The following BDP1 variants were observed in gnomAD, a reference collection of about 807,000 sequenced individuals.
The protein encoded by BDP1 is transcription factor TFIIIB component B'' homolog.
In BDP1, 169 loss-of-function variants were observed where a neutral mutation model predicts 266.6. The observed-to-expected ratio is 0.63, with a 90% CI of 0.56 to 0.72. BDP1 has a LOEUF of 0.72. Ranked by LOEUF, BDP1 falls within the 30% of genes least tolerant of loss-of-function variation. BDP1 has a pLI of 0.00. For synonymous variants in BDP1, 1,090 were observed against 1,022.4 expected (o/e 1.07, Z -1.26); for missense variants, 3,015 against 3,053.8 (o/e 0.99, Z 0.30).
At chr5:71,484,942 T>C (rs747989781) in intron 8 of BDP1, among the ~76,000 whole-genome samples, 6 of 152,092 alleles carry the variant, frequency 3.9e-5, no homozygotes, top group Non-Finnish European at 8.8e-5. Flanking sequence ...ACCCAGTGTT[T>C]TATCGGGTCT....
At chr5:71,482,099 A>G (rs996689296) in intron 7 of BDP1, among the ~76,000 whole-genome samples, 2 of 152,214 alleles carry the variant, frequency 1.3e-5, no homozygotes, top group Non-Finnish European at 2.9e-5. Context: ...TTCTGCCTTC[A>G]TGGCTTTAGC....
At chr5:71,465,289 T>C (rs1195428011) in intron 4 of BDP1, among the ~76,000 whole-genome samples, 2 of 152,124 alleles carry the variant, frequency 1.3e-5, no homozygotes, top group East Asian at 3.9e-4. Flanking sequence ...ATTATTATTA[T>C]TATTTTTACA....
chr5:71,501,529 AAGT>A, intron 13 of BDP1, 30 bp from the exon 14 acceptor site: 4 of 1,228,830 alleles, frequency 3.3e-6, no homozygotes, highest in Non-Finnish European at 3.6e-6. Flanking sequence ...TGTTTATTGT[AAGT>A]AGATAAATTG....
In BDP1 at chr5:71,556,421, T is replaced by G. The variant is rs1580218220; in HGVS notation, c.7201-465T>G. On this transcript the variant is annotated intron_variant, in intron 35 of 38. Transcript: ENST00000358731. ...GATGCTAGCTTCTAGATTGCAATAG[T>G]TATATTTTATAGTGTTAAGAAAATA... Among the ~76,000 whole-genome samples, 3 of 152,200 alleles carry G rather than the reference T, an allele frequency of 2.0e-5. No individual in the cohort carries two copies. The East Asian group carries it at 5.8e-4, about 29-fold the overall frequency.
intron 36 of BDP1, among the ~76,000 whole-genome samples, chr5:71,557,425 C>T (rs183867112): frequency 0.025 from 3,295 of 129,810 alleles, 116 homozygotes; most frequent in South Asian, 0.079. Context: ...CGCTCTGTCA[C>T]CCAGGCTGGA....
In BDP1 at chr5:71,509,932, T is replaced by A; in HGVS notation, c.2840T>A (p.Val947Asp). Residue 947 changes from valine to aspartate, a missense_variant, in exon 17 of 39, where the codon GTT (valine) becomes GAT (aspartate). By Grantham distance (152) the Val-to-Asp change is radical. Coordinates refer to ENST00000358731, the MANE Select transcript of BDP1 (RefSeq NM_018429.3). ...ISPQKNGPEE[V>D]KPLGEVETDL... Reference sequence around the variant, plus strand: ...CCACAGAAAAATGGCCCAGAGGAGGTTAAGCCTCTAGGTGAAGTGGAGACA... The same window carrying A: ...CCACAGAAAAATGGCCCAGAGGAGGATAAGCCTCTAGGTGAAGTGGAGACA... 4.3e-6 allele frequency: 7 copies of A among 1,613,226 alleles called. No individual in the cohort carries two copies. The highest frequency in any genetic ancestry group is 5.9e-6 in the Non-Finnish European group (7 of 1,179,818).
intron 36 of BDP1, among the ~76,000 whole-genome samples, chr5:71,557,609 C>A (rs1469750842): frequency 6.9e-6 from 1 of 145,788 alleles, no homozygotes; most frequent in Non-Finnish European, 1.5e-5. Flanking sequence ...TGGTCTTGAT[C>A]TCCTGACCTC....
At position 71,461,906 on chromosome 5, in the gene BDP1, A is replaced by G; in HGVS notation, c.579A>G (p.Leu193=). Residue 193 remains leucine (L), a synonymous_variant, in exon 3 of 39, where the codon CTA becomes CTG. Transcript: ENST00000358731. ...KMTMRDFIYY[L]PDNNPMTSSL... ...CTATGAGAGACTTCATATATTATCTACCAGATAATAATCCAATGACGTAAG... is the reference window on the plus strand; with the variant it reads ...CTATGAGAGACTTCATATATTATCTGCCAGATAATAATCCAATGACGTAAG... 1.3e-6 allele frequency: 2 copies of G among 1,518,696 alleles called. No homozygotes were observed. The highest frequency in any genetic ancestry group is 1.8e-6 in the Non-Finnish European group (2 of 1,099,182). The allele number at this position is 1,518,696 out of a possible 1,614,324, so 94.1% of individuals were successfully genotyped here.
At chr5:71,463,131 A>G (rs1761682139) in intron 3 of BDP1, among the ~76,000 whole-genome samples, 1 of 152,148 alleles carries the variant, frequency 6.6e-6, no homozygotes, top group Admixed American at 6.5e-5. Flanking sequence ...AAAATGTTTG[A>G]AAGGATTGGA....
chr5:71,537,149 C>CAAAAAAAAAAAAA (rs70992979), intron 26 of BDP1, among the ~76,000 whole-genome samples: 6 of 82,448 alleles, frequency 7.3e-5, no homozygotes, highest in African/African-American at 1.5e-4. Context: ...ACCAAAAAAC[C>CAAAAAAAAAAAAA]AAAAAAAAAA....
At chr5:71,573,699 C>G in the BDP1 span, among the ~76,000 whole-genome samples, 2 of 152,184 alleles carry the variant, frequency 1.3e-5, no homozygotes, top group East Asian at 3.8e-4. Context: ...AACCGTGTTG[C>G]TGGACCCGGA....
rs181621229 is a variant in BDP1 at position 71,497,952 on chromosome 5, A to G, written c.1956+526A>G. ...TACAGGTGTGTGCCACCAAACCCAGATAATTTTTTTTTTTTTTTGAGACGG... is the reference window on the plus strand; with the variant it reads ...TACAGGTGTGTGCCACCAAACCCAGGTAATTTTTTTTTTTTTTTGAGACGG... On this transcript the variant is annotated intron_variant, in intron 13 of 38. Transcript: ENST00000358731. Among the ~76,000 whole-genome samples the G allele has an allele frequency of 1.9e-3, 289 of 151,680 alleles. 2 individuals carry two copies. The highest frequency in any genetic ancestry group is 0.013 in the South Asian group (62 of 4,802).
intron 2 of BDP1, 130 bp downstream of exon 2, chr5:71,458,985 A>G: frequency 1.2e-6 from 1 of 806,872 alleles, no homozygotes; most frequent in South Asian, 1.8e-5. Context: ...TCAATAGAAC[A>G]TCCCTTCTTG....
intron 9 of BDP1, among the ~76,000 whole-genome samples, chr5:71,487,426 G>A (rs1265050326): frequency 6.6e-6 from 1 of 152,034 alleles, no homozygotes; most frequent in African/African-American, 2.4e-5. Flanking sequence ...TGTATTTTTA[G>A]TAGAGACGGG....
intron 4 of BDP1, 75 bp from the exon 5 acceptor site, chr5:71,466,021 A>G: frequency 6.8e-7 from 1 of 1,467,120 alleles, no homozygotes; most frequent in Non-Finnish European, 9.3e-7. Flanking sequence ...GTTTGTAATC[A>G]TTTATTTTAA....
chr5:71,550,428 A>G (rs1742662535), intron 34 of BDP1, among the ~76,000 whole-genome samples: 1 of 151,256 alleles, frequency 6.6e-6, no homozygotes. Context: ...CTTCTCAGCT[A>G]CAGGTGCGCA....
At chr5:71,555,496 A>G (rs924916797) in intron 35 of BDP1, among the ~76,000 whole-genome samples, 4 of 150,324 alleles carry the variant, frequency 2.7e-5, no homozygotes, top group Non-Finnish European at 4.4e-5. Context: ...CTGGAGTGCA[A>G]TAGCGTGATC....
rs1200983543 is a variant in BDP1 at position 71,544,475 on chromosome 5, C to T, written c.6531C>T (p.Thr2177=). 6.2e-7 allele frequency: 1 copy of T among 1,613,206 alleles called. No individual in the cohort carries two copies. The highest frequency in any genetic ancestry group is 8.5e-7 in the Non-Finnish European group (1 of 1,179,614). Residue 2177 remains threonine (T), a synonymous_variant, in exon 31 of 39, where the codon ACC becomes ACT. Transcript: ENST00000358731. ...CATGTGTACATGGTATCAAAGGGAC[C>T]AGTATTTCTTCAGAAGTAAACCTAA... ...KLACVHGIKG[T]SISSEVNLTE...
Position 71,560,186 on chromosome 5 carries a change from A to C in BDP1, c.7445A>C (p.Lys2482Thr). Reference protein sequence around the residue: ...DKEERTDAAPKSQQMDSRTSS... With the variant: ...DKEERTDAAPTSQQMDSRTSS... Reference sequence around the variant, plus strand: ...GAAGAAAGAACTGATGCTGCTCCTAAGTCTCAGCAAATGGATAGCAGAACA... The same window carrying C: ...GAAGAAAGAACTGATGCTGCTCCTACGTCTCAGCAAATGGATAGCAGAACA... The change falls in exon 37 of 39, where the codon AAG becomes ACG. Residue 2482 changes from lysine (K) to threonine (T), a missense_variant. By Grantham distance (78) the Lys-to-Thr change is moderately conservative (BLOSUM62 -1). This residue lies in a region of BDP1 where 629 missense variants were observed against 632.5 expected (regional missense o/e 0.99). Transcript: ENST00000358731. 1 of 1,614,154 alleles carries C rather than the reference A, an allele frequency of 6.2e-7. No homozygotes were observed.
Sources: gnomAD v4.1 joint callset for allele counts (sites outside exome capture counted in the v4.1 genomes callset) on GRCh38, gnomAD v4.1.1 for gene constraint, gnomAD v4.1.1 regional missense constraint, MANE v1.5 for transcripts, NCBI Gene and HGNC (gene_info 2026-07-23, HGNC 2026-07-21) for gene names.